XNDC1N: variants seen among roughly 807,000 people sequenced by gnomAD.
XNDC1N encodes protein XNDC1N.
At chr11:71,904,236 T>C in the XNDC1N span, among the ~76,000 whole-genome samples, 1 of 152,156 alleles carries the variant, frequency 6.6e-6, no homozygotes, top group Admixed American at 6.5e-5. Flanking sequence ...TTACGAGTAA[T>C]ACCTTCCTAG....
chr11:71,925,319 G>A, the XNDC1N span, among the ~76,000 whole-genome samples: 1 of 152,078 alleles, frequency 6.6e-6, no homozygotes, highest in African/African-American at 2.4e-5. Flanking sequence ...ATTTGCAAAT[G>A]TCTGTTGAAC....
chr11:71,914,290 C>G, the XNDC1N span: 1 of 455,696 alleles, frequency 2.2e-6, no homozygotes, highest in African/African-American at 2.0e-5. Flanking sequence ...GAGGAGGTCA[C>G]AGCATCAACA....
the XNDC1N span, among the ~76,000 whole-genome samples, chr11:71,900,943 C>G: frequency 6.6e-6 from 1 of 152,154 alleles, no homozygotes; most frequent in Non-Finnish European, 1.5e-5. Context: ...TTGGCCAGTC[C>G]TCTCCCTGCA....
At chr11:71,918,784 G>A in the XNDC1N span, 12 of 646,252 alleles carry the variant, frequency 1.9e-5, no homozygotes, top group Admixed American at 2.1e-4. Flanking sequence ...TTCCATAAAG[G>A]CTGCTCAGCC....
the XNDC1N span, chr11:71,917,395 G>T: frequency 1.6e-6 from 1 of 615,972 alleles, no homozygotes; most frequent in Non-Finnish European, 2.9e-6. Flanking sequence ...AATATAAATA[G>T]TTCATAAATC....
the XNDC1N span, chr11:71,878,449 A>C: frequency 3.1e-6 from 5 of 1,611,664 alleles, no homozygotes; most frequent in Non-Finnish European, 4.2e-6. Flanking sequence ...TTACCTATTC[A>C]ACCATGAGGG....
the XNDC1N span, among the ~76,000 whole-genome samples, chr11:71,883,040 A>G: frequency 1.9e-4 from 29 of 152,326 alleles, no homozygotes; most frequent in South Asian, 8.3e-4. Context: ...CTTAACCAAA[A>G]GATGAAAGAC....
At chr11:71,885,209 C>T in the XNDC1N span, among the ~76,000 whole-genome samples, 2 of 151,904 alleles carry the variant, frequency 1.3e-5, no homozygotes, top group Admixed American at 6.6e-5. Context: ...CCTGGGATAT[C>T]GCGTGTCATA....
the XNDC1N span, among the ~76,000 whole-genome samples, chr11:71,898,861 T>C: frequency 6.6e-6 from 1 of 152,190 alleles, no homozygotes; most frequent in African/African-American, 2.4e-5. Context: ...ATGGAAACTG[T>C]AAATGTTTAT....
At chr11:71,895,637 A>ATTTATAT in the XNDC1N span, among the ~76,000 whole-genome samples, 1 of 152,196 alleles carries the variant, frequency 6.6e-6, no homozygotes, top group African/African-American at 2.4e-5. Context: ...ACCACTTAGC[A>ATTTATAT]TTTACATTTT....
the XNDC1N span, among the ~76,000 whole-genome samples, chr11:71,868,669 C>T: frequency 6.6e-6 from 1 of 152,112 alleles, no homozygotes; most frequent in African/African-American, 2.4e-5. Flanking sequence ...AATGGGATTC[C>T]CTTTGTGGGT....
chr11:71,902,984 C>T, the XNDC1N span, among the ~76,000 whole-genome samples: 1 of 152,200 alleles, frequency 6.6e-6, no homozygotes, highest in African/African-American at 2.4e-5. Flanking sequence ...ACGTGAATAA[C>T]ACAGCAATCG....
chr11:71,887,730 G>A, the XNDC1N span, among the ~76,000 whole-genome samples: 9 of 152,130 alleles, frequency 5.9e-5, no homozygotes, highest in South Asian at 1.7e-3. Flanking sequence ...CCCAAGTCAC[G>A]GACCAAGAAC....
At chr11:71,894,764 G>C in the XNDC1N span, among the ~76,000 whole-genome samples, 1 of 152,206 alleles carries the variant, frequency 6.6e-6, no homozygotes, top group South Asian at 2.1e-4. Context: ...CAATGTACAG[G>C]AGGTCCTCCA....
the XNDC1N span, among the ~76,000 whole-genome samples, chr11:71,881,839 A>G: frequency 8.5e-5 from 13 of 152,328 alleles, no homozygotes; most frequent in East Asian, 3.9e-4. Context: ...AGAATTAAAA[A>G]GAACAGAATA....
chr11:71,878,550 T>C, the XNDC1N span: 1 of 1,592,232 alleles, frequency 6.3e-7, no homozygotes, highest in Non-Finnish European at 8.5e-7. Flanking sequence ...TCTAAAAATA[T>C]AAGTAAAAGA....
At chr11:71,887,763 G>C in the XNDC1N span, among the ~76,000 whole-genome samples, 1 of 152,192 alleles carries the variant, frequency 6.6e-6, no homozygotes, top group Non-Finnish European at 1.5e-5. Context: ...CAGGATTTGC[G>C]CTTGCTTCAT....
the XNDC1N span, chr11:71,928,377 A>G: frequency 3.7e-5 from 25 of 678,020 alleles, no homozygotes; most frequent in South Asian, 2.6e-4. Flanking sequence ...GGGACCGTGG[A>G]CCTCGAGGAG....
At chr11:71,909,915 C>G in the XNDC1N span, among the ~76,000 whole-genome samples, 2 of 152,214 alleles carry the variant, frequency 1.3e-5, no homozygotes, top group East Asian at 3.9e-4. Context: ...TTATGGTTCT[C>G]CGAGAGGAGG....
Sources: allele counts gnomAD v4.1 joint callset (sites outside exome capture counted in the v4.1 genomes callset), GRCh38; gene constraint gnomAD v4.1.1; transcripts MANE v1.5; gene names NCBI Gene and HGNC (gene_info 2026-07-23, HGNC 2026-07-21).